Variants in TRAM2 observed in about 807,000 individuals in gnomAD.
TRAM2 encodes translocating chain-associated membrane protein 2.
TRAM2 carries 12 observed loss-of-function variants against 51.0 expected under a neutral mutation model. The ratio of observed to expected loss-of-function variants is 0.24; its 90% CI spans 0.15 to 0.38. The LOEUF (loss-of-function observed/expected upper bound fraction) is 0.38, where lower values mean the gene tolerates loss of function less well. TRAM2 is among the 10% of genes least tolerant of loss of function. The probability of loss-of-function intolerance (pLI) is 1.00; values close to 1 mark genes in which losing one functional copy is unlikely to be tolerated. For synonymous variants in TRAM2, 175 were observed against 179.4 expected (o/e 0.98, Z 0.20); for missense variants, 361 against 462.0 (o/e 0.78, Z 2.00).
At chr6:52,558,659 C>A (rs990112582) in intron 1 of TRAM2, among the ~76,000 whole-genome samples, 1 of 152,068 alleles carries the variant, frequency 6.6e-6, no homozygotes, top group Admixed American at 6.6e-5. Context: ...AATCTGGTAG[C>A]GTGTAGGTGG....
chr6:52,550,799 GCC>G (rs1767294681), intron 1 of TRAM2, among the ~76,000 whole-genome samples: 2 of 92,494 alleles, frequency 2.2e-5, no homozygotes, highest in Non-Finnish European at 5.5e-5. Flanking sequence ...AGATCCACCT[GCC>G]TTGGCCTCCC....
At chr6:52,544,130 A>G (rs532427437) in intron 1 of TRAM2, among the ~76,000 whole-genome samples, 1 of 152,314 alleles carries the variant, frequency 6.6e-6, no homozygotes, top group Non-Finnish European at 1.5e-5. Context: ...GGGTGAAGCC[A>G]TCTCCGGGGG....
At chr6:52,534,247 G>A (rs1256756335) in intron 2 of TRAM2, among the ~76,000 whole-genome samples, 2 of 151,750 alleles carry the variant, frequency 1.3e-5, no homozygotes, top group African/African-American at 2.4e-5. Context: ...CTGGCACGGT[G>A]GCGCATGCCT....
chr6:52,572,322 G>A (rs1316960063), intron 1 of TRAM2, among the ~76,000 whole-genome samples: 1 of 152,252 alleles, frequency 6.6e-6, no homozygotes, highest in Non-Finnish European at 1.5e-5. Context: ...TAGTCAAAGA[G>A]GCCAGGCGCA....
chr6:52,541,246 T>A (rs570354293), intron 1 of TRAM2, among the ~76,000 whole-genome samples: 153 of 152,318 alleles, frequency 1.0e-3, no homozygotes, highest in Non-Finnish European at 1.9e-3. Context: ...CAACAACAGT[T>A]AATGTTATCG....
chr6:52,546,070 C>T (rs72927133), intron 1 of TRAM2, among the ~76,000 whole-genome samples: 2 of 152,234 alleles, frequency 1.3e-5, no homozygotes, highest in African/African-American at 2.4e-5. Context: ...ACTGTGAGAA[C>T]TGAGGCTGCC....
chr6:52,567,830 T>C (rs1581703775), intron 1 of TRAM2, among the ~76,000 whole-genome samples: 1 of 152,380 alleles, frequency 6.6e-6, no homozygotes, highest in East Asian at 1.9e-4. Context: ...TGCTAGAATC[T>C]GGTTTCAACT....
At chr6:52,545,536 T>C (rs1767183693) in intron 1 of TRAM2, among the ~76,000 whole-genome samples, 1 of 152,172 alleles carries the variant, frequency 6.6e-6, no homozygotes, top group Non-Finnish European at 1.5e-5. Flanking sequence ...TGCCAAGGCC[T>C]TGCAGGAGTA....
chr6:52,572,045 C>T (rs923225530), intron 1 of TRAM2, among the ~76,000 whole-genome samples: 2 of 152,274 alleles, frequency 1.3e-5, no homozygotes, highest in African/African-American at 4.8e-5. Context: ...CCCTTACATC[C>T]CATAGGATAG....
chr6:52,510,986 G>A (rs114690993), intron 4 of TRAM2, among the ~76,000 whole-genome samples: 68 of 152,326 alleles, frequency 4.5e-4, no homozygotes, highest in Non-Finnish European at 9.4e-4. Context: ...TCTCTCTTCT[G>A]AAGAAAGGGC....
At chr6:52,554,607 C>T (rs1177022491) in intron 1 of TRAM2, among the ~76,000 whole-genome samples, 1 of 151,700 alleles carries the variant, frequency 6.6e-6, no homozygotes, top group African/African-American at 2.4e-5. Flanking sequence ...CTTATTTCCA[C>T]AGCCTCTCAA....
intron 4 of TRAM2, among the ~76,000 whole-genome samples, chr6:52,511,947 G>A (rs1167147424): frequency 1.3e-5 from 2 of 152,074 alleles, no homozygotes; most frequent in African/African-American, 2.4e-5. Flanking sequence ...AGGCTCTCGG[G>A]TGGTGGCGTG....
chr6:52,567,408 C>T (rs555078158), intron 1 of TRAM2, among the ~76,000 whole-genome samples: 8 of 152,244 alleles, frequency 5.3e-5, no homozygotes, highest in East Asian at 1.9e-4. Context: ...TCAATTTCAG[C>T]GTTTTGTACA....
intron 1 of TRAM2, among the ~76,000 whole-genome samples, chr6:52,544,174 C>T (rs1274941276): frequency 6.6e-6 from 1 of 152,260 alleles, no homozygotes; most frequent in African/African-American, 2.4e-5. Flanking sequence ...GGCTGCAGGC[C>T]AATTCTCACA....
rs1766151520 is a variant in TRAM2 at position 52,499,112 on chromosome 6, A to C, written c.*4085T>G. 1 of 152,130 alleles carries C rather than the reference A, an allele frequency of 6.6e-6. No homozygotes were observed. The highest frequency in any genetic ancestry group is 2.4e-5 in the African/African-American group (1 of 41,418). 9.4% of individuals were successfully genotyped at this position (152,130 alleles called of 1,614,324 possible). A position where few individuals can be genotyped will look rare whatever the true frequency, so the allele number is the denominator to read the frequency against. On this transcript the variant is annotated 3_prime_UTR_variant, in exon 11 of 11. Transcript: ENST00000182527. ...ATGTGAGTAGTGGGGTAGAGTGAGA[A>C]GTTGGTAAAGTCTTCCTCACTGGGA... is the stretch of plus-strand genomic sequence containing the variant.
intron 1 of TRAM2, among the ~76,000 whole-genome samples, chr6:52,547,050 T>C (rs1406249714): frequency 6.6e-6 from 1 of 152,050 alleles, no homozygotes; most frequent in Non-Finnish European, 1.5e-5. Flanking sequence ...CTGGTGTGTA[T>C]GGGTGAGCAT....
intron 2 of TRAM2, among the ~76,000 whole-genome samples, chr6:52,521,701 AAAAAT>A (rs770042475): frequency 1.4e-3 from 218 of 151,096 alleles, no homozygotes; most frequent in Non-Finnish European, 1.1e-3. Context: ...TCCATCTCAA[AAAAAT>A]AAAATAAAAT....
intron 2 of TRAM2, among the ~76,000 whole-genome samples, chr6:52,532,292 G>A (rs1025304470): frequency 2.0e-5 from 3 of 152,154 alleles, no homozygotes; most frequent in African/African-American, 7.2e-5. Flanking sequence ...CTTTCTCATG[G>A]TAAATTAGTA....
rs965646649 is a variant in TRAM2, at chr6:52,504,463, GAGTC to G, written c.1039+124_1039+127del. 245 of 1,480,212 alleles carry G rather than the reference GAGTC, an allele frequency of 1.7e-4. No individual in the cohort carries two copies. The African/African-American group carries it at 1.8e-3, about 11-fold the overall frequency. The allele number at this position is 1,480,212 out of a possible 1,614,324, so 91.7% of individuals were successfully genotyped here. The stretch of plus-strand genomic sequence containing the variant: ...GCTAGGAGCCCCAGCCCTGAGGTAA[GAGTC>G]AGGAAGGAGAAGCTGGCAGGATTGG... On this transcript the variant is annotated intron_variant, in intron 10 of 10. Transcript: ENST00000182527.
Sources: gnomAD v4.1 joint callset for allele counts (sites outside exome capture counted in the v4.1 genomes callset) on GRCh38, gnomAD v4.1.1 for gene constraint, MANE v1.5 for transcripts, NCBI Gene and HGNC (gene_info 2026-07-23, HGNC 2026-07-21) for gene names.